The following AMOTL1 variants were observed in gnomAD, a reference collection of about 807,000 sequenced individuals.
AMOTL1 encodes the protein angiomotin-like protein 1.
Under a neutral mutation model 102.9 loss-of-function variants are expected in AMOTL1, and 45 were observed. The ratio of observed to expected loss-of-function variants is 0.44; its 90% CI spans 0.34 to 0.56. The LOEUF (loss-of-function observed/expected upper bound fraction) is 0.56. Ranked by LOEUF, AMOTL1 falls within the 20% of genes least tolerant of loss-of-function variation. AMOTL1 has a pLI of 0.01. For missense variants in AMOTL1, 1,114 were observed against 1,225.6 expected, an observed-to-expected ratio of 0.91 and a Z score of 1.36; for synonymous variants, 481 against 484.7, an observed-to-expected ratio of 0.99 and a Z score of 0.10.
In AMOTL1 at chr11:94,800,266, T is replaced by C; in HGVS notation, c.1076T>C (p.Val359Ala). The part of the protein sequence containing the change: ...YPAPQPVRTD[V>A]AVLRYQPPPE... ...GCTCCTCAGCCTGTGAGAACAGATG[T>C]GGCCGTCCTGCGGTACCAGCCACCC... The change falls in exon 3 of 13, where the codon GTG becomes GCG. Residue 359 changes from valine (V) to alanine (A), a missense_variant. Val to Ala is a moderately conservative substitution (Grantham distance 64). Coordinates refer to ENST00000433060, the MANE Select transcript of AMOTL1 (RefSeq NM_130847.3). The C allele has an allele frequency of 6.2e-7, 1 of 1,613,346 alleles. No individual in the cohort carries two copies. The highest frequency in any genetic ancestry group is 1.1e-5 in the South Asian group (1 of 90,980).
At chr11:94,731,622 T>G (rs1950353925) in intron 2 of AMOTL1, among the ~76,000 whole-genome samples, 1 of 152,252 alleles carries the variant, frequency 6.6e-6, no homozygotes, top group Non-Finnish European at 1.5e-5. Context: ...GATGTTACAC[T>G]AAGCCTTTTT....
intron 4 of AMOTL1, among the ~76,000 whole-genome samples, chr11:94,824,227 T>C: frequency 1.3e-5 from 2 of 152,180 alleles, no homozygotes; most frequent in East Asian, 3.8e-4. Flanking sequence ...ATGTTATAAA[T>C]TGTTCTACAA....
chr11:94,796,705 G>A (rs1039060041), intron 2 of AMOTL1, among the ~76,000 whole-genome samples: 10 of 152,204 alleles, frequency 6.6e-5, no homozygotes, highest in African/African-American at 1.2e-4. Context: ...AAATTAGGGG[G>A]CCATCACGGA....
At chr11:94,863,914 A>G (rs1046119488) in intron 9 of AMOTL1, among the ~76,000 whole-genome samples, 8 of 152,088 alleles carry the variant, frequency 5.3e-5, no homozygotes, top group Non-Finnish European at 1.2e-4. Flanking sequence ...CACCCACCTC[A>G]CCTGAACTTG....
chr11:94,845,940 A>C (rs1173982770), intron 6 of AMOTL1, among the ~76,000 whole-genome samples: 3 of 152,232 alleles, frequency 2.0e-5, no homozygotes, highest in African/African-American at 7.2e-5. Flanking sequence ...AGCCCTACCA[A>C]AAATTCATCA....
intron 4 of AMOTL1, among the ~76,000 whole-genome samples, chr11:94,828,803 T>C (rs1414168728): frequency 6.6e-6 from 1 of 152,130 alleles, no homozygotes; most frequent in African/African-American, 2.4e-5. Flanking sequence ...GCCATTGCTG[T>C]CTTATGGAAG....
intron 3 of AMOTL1, among the ~76,000 whole-genome samples, chr11:94,808,123 T>C (rs991491585): frequency 3.6e-5 from 5 of 140,576 alleles, no homozygotes; most frequent in Non-Finnish European, 7.6e-5. Context: ...AAAAACTATA[T>C]ACTTTCCTCA....
At chr11:94,717,444 T>A (rs1950114259) in intron 1 of AMOTL1, among the ~76,000 whole-genome samples, 1 of 149,026 alleles carries the variant, frequency 6.7e-6, no homozygotes, top group Non-Finnish European at 1.5e-5. Context: ...AAATAAAGAG[T>A]CCAGAAAGAG....
chr11:94,808,843 T>TA (rs1442573966), intron 3 of AMOTL1, among the ~76,000 whole-genome samples: 2 of 152,148 alleles, frequency 1.3e-5, no homozygotes, highest in African/African-American at 4.8e-5. Flanking sequence ...TTAGAAACAT[T>TA]AAAAAAATTT....
chr11:94,775,014 T>C (rs141229447), intron 1 of AMOTL1, among the ~76,000 whole-genome samples: 6 of 152,364 alleles, frequency 3.9e-5, no homozygotes, highest in South Asian at 2.1e-4. Flanking sequence ...GGCTACCATA[T>C]TGCCTTGGTA....
chr11:94,853,604 C>CT (rs1393667574), intron 7 of AMOTL1, among the ~76,000 whole-genome samples: 3 of 152,266 alleles, frequency 2.0e-5, no homozygotes, highest in African/African-American at 7.2e-5. Context: ...TGCAAAAACT[C>CT]TTTATTTACC....
chr11:94,708,007 AC>A (rs1261323102), intron 1 of AMOTL1, among the ~76,000 whole-genome samples: 2 of 152,162 alleles, frequency 1.3e-5, no homozygotes, highest in Non-Finnish European at 2.9e-5. Flanking sequence ...ATTGATCAGC[AC>A]CTGCACAATC....
chr11:94,780,742 G>A (rs190261881), intron 1 of AMOTL1, among the ~76,000 whole-genome samples: 1 of 152,294 alleles, frequency 6.6e-6, no homozygotes, highest in Admixed American at 6.5e-5. Flanking sequence ...ACAGCCCTAT[G>A]TAGTAGGCCC....
rs972963204 is a variant in AMOTL1 at position 94,855,469 on chromosome 11, G to A, written c.1944+1387G>A. On this transcript the variant is annotated intron_variant, in intron 8 of 12. Coordinates refer to ENST00000433060, the MANE Select transcript of AMOTL1 (RefSeq NM_130847.3). ...CTGTCACTCAGTTGCTGAGATCTTC[G>A]CTTCCCCATCTGGGGACAGGGGTTC... Among the ~76,000 whole-genome samples the A allele has an allele frequency of 2.6e-5, 4 of 152,172 alleles. No individual in the cohort carries two copies. The East Asian group carries it at 7.7e-4, about 29-fold the overall frequency.
At chr11:94,790,487 C>T (rs1951265028) in intron 1 of AMOTL1, among the ~76,000 whole-genome samples, 1 of 152,050 alleles carries the variant, frequency 6.6e-6, no homozygotes, top group African/African-American at 2.4e-5. Context: ...GGTACATTTA[C>T]TAGGATGAAC....
rs1953053277 is a variant in AMOTL1 at position 94,874,017 on chromosome 11, A to G, written c.*3222A>G. The stretch of plus-strand genomic sequence containing the variant: ...CCTGATTATAGAACTTGAGGGTCCT[A>G]TCTCAGGATGAAGGGGAGAGGCCCT... On this transcript the variant is annotated 3_prime_UTR_variant, in exon 13 of 13. Coordinates refer to ENST00000433060, the MANE Select transcript of AMOTL1 (RefSeq NM_130847.3). 2.6e-5 allele frequency: 4 copies of G among 152,154 alleles called. No individual in the cohort carries two copies. Among genetic ancestry groups the G allele is most frequent in the Non-Finnish European group, 4.4e-5 (3 of 68,012 alleles). The allele number at this position is 152,154 out of a possible 1,614,324, so 9.4% of individuals were successfully genotyped here. A position where few individuals can be genotyped will look rare whatever the true frequency, so the allele number is the denominator to read the frequency against.
intron 9 of AMOTL1, among the ~76,000 whole-genome samples, chr11:94,861,581 G>A (rs1486559950): frequency 1.3e-5 from 2 of 152,186 alleles, no homozygotes; most frequent in African/African-American, 4.8e-5. Flanking sequence ...CTCCCTTCCT[G>A]ACTGTGCGTG....
rs1047544476 is a variant in AMOTL1, at chr11:94,852,225, A to G, written c.1795-1708A>G. 2.3e-4 allele frequency among the ~76,000 whole-genome samples: 35 copies of G among 152,248 alleles called. 1 individual carries two copies. Among genetic ancestry groups the G allele is most frequent in the Admixed American group, 2.3e-3 (35 of 15,288 alleles). On this transcript the variant is annotated intron_variant, in intron 7 of 12. Transcript: ENST00000433060. ...GAATGAAAGGGCCAGATGAAAATCA[A>G]TCCCAAGAACAGGTGTAAAAAGTCT...
At position 94,876,200 on chromosome 11, in the gene AMOTL1, G is replaced by A. The variant is rs1953091661; in HGVS notation, c.*5405G>A. ...GAATGTAAGCAAATATATCCACATT[G>A]GTTTTATTTGAATCAAGGTGTTTTT... is the stretch of plus-strand genomic sequence containing the variant. On this transcript the variant is annotated 3_prime_UTR_variant, in exon 13 of 13. Coordinates refer to ENST00000433060, the MANE Select transcript of AMOTL1 (RefSeq NM_130847.3). 6.6e-6 allele frequency: 1 copy of A among 152,506 alleles called. No individual in the cohort carries two copies. Among genetic ancestry groups the A allele is most frequent in the Non-Finnish European group, 1.5e-5 (1 of 68,004 alleles). 9.4% of individuals were successfully genotyped at this position (152,506 alleles called of 1,614,324 possible). A position where few individuals can be genotyped will look rare whatever the true frequency, so the allele number is the denominator to read the frequency against.
Sources: allele counts gnomAD v4.1 joint callset (sites outside exome capture counted in the v4.1 genomes callset), GRCh38; gene constraint gnomAD v4.1.1; transcripts MANE v1.5; gene names NCBI Gene and HGNC (gene_info 2026-07-23, HGNC 2026-07-21).